The following ODAD2 variants were observed in gnomAD, a reference collection of about 807,000 sequenced individuals.
The protein encoded by ODAD2 is outer dynein arm-docking complex subunit 2.
Under a neutral mutation model 106.8 loss-of-function variants are expected in ODAD2, and 89 were observed. The ratio of observed to expected loss-of-function variants is 0.83; its 90% CI spans 0.70 to 0.99. ODAD2 has a LOEUF of 0.99. Ranked by LOEUF, ODAD2 falls within the 50% of genes least tolerant of loss-of-function variation. The pLI is 0.00. For missense variants in ODAD2, 1,168 were observed against 1,238.5 expected (o/e 0.94, Z 0.85); for synonymous variants, 404 against 436.2 (o/e 0.93, Z 0.92).
chr10:27,992,070 A>C (rs1391965285), intron 2 of ODAD2, among the ~76,000 whole-genome samples: 1 of 152,190 alleles, frequency 6.6e-6, no homozygotes, highest in African/African-American at 2.4e-5. Context: ...GGAGTAGACC[A>C]AGGGGCACGG....
At chr10:27,908,763 G>GAA (rs11376464) in intron 16 of ODAD2, among the ~76,000 whole-genome samples, 3 of 151,630 alleles carry the variant, frequency 2.0e-5, no homozygotes, top group African/African-American at 7.3e-5. Context: ...TACCAGGGGG[G>GAA]AAAAATGTAT....
At chr10:27,839,286 G>A (rs1271807764) in intron 19 of ODAD2, among the ~76,000 whole-genome samples, 5 of 152,124 alleles carry the variant, frequency 3.3e-5, no homozygotes, top group African/African-American at 1.2e-4. Flanking sequence ...AATATGACAC[G>A]CGGCAGCAAG....
intron 16 of ODAD2, 43 bp from the exon 17 acceptor site, chr10:27,907,820 T>C (rs1258822167): frequency 7.9e-7 from 1 of 1,269,474 alleles, no homozygotes; most frequent in African/African-American, 1.5e-5. Flanking sequence ...GTCATTAGTA[T>C]GTGAAGACAA....
intron 17 of ODAD2, among the ~76,000 whole-genome samples, chr10:27,871,573 T>C (rs1466725367): frequency 2.0e-5 from 3 of 152,252 alleles, no homozygotes; most frequent in African/African-American, 4.8e-5. Context: ...TTTCTACATA[T>C]GGCTAGCCAG....
At chr10:27,936,641 A>T (rs1347487406) in intron 15 of ODAD2, 85 bp downstream of exon 15, 13 of 1,401,736 alleles carry the variant, frequency 9.3e-6, no homozygotes, top group Non-Finnish European at 1.1e-5. Flanking sequence ...ATTAGAATTG[A>T]CTCCTTACTA....
intron 17 of ODAD2, among the ~76,000 whole-genome samples, chr10:27,902,043 C>T (rs1042225226): frequency 7.2e-5 from 11 of 152,146 alleles, no homozygotes; most frequent in South Asian, 6.2e-4. Context: ...TAAAATTGAC[C>T]ACAGAATTGG....
In ODAD2 at chr10:27,812,262, A is replaced by T; in HGVS notation, c.*250T>A. 1 of 477,922 alleles carries T rather than the reference A, an allele frequency of 2.1e-6. No homozygotes were observed. 29.6% of individuals were successfully genotyped at this position (477,922 alleles called of 1,614,324 possible). A position where few individuals can be genotyped will look rare whatever the true frequency, so the allele number is the denominator to read the frequency against. ...CATATACGTATATTCTCATATTCTT[A>T]GAAACTTATCACAGGTTTATTGGCT... On this transcript the variant is annotated 3_prime_UTR_variant, in exon 20 of 20. Transcript: ENST00000305242.
chr10:27,924,026 G>A (rs1034022174), intron 16 of ODAD2, among the ~76,000 whole-genome samples: 12 of 102,962 alleles, frequency 1.2e-4, no homozygotes, highest in East Asian at 6.7e-4. Context: ...AAGAAAGAAG[G>A]AAAGAGAAAG....
chr10:27,932,227 C>A (rs577920755), intron 16 of ODAD2, among the ~76,000 whole-genome samples: 1 of 152,102 alleles, frequency 6.6e-6, no homozygotes, highest in African/African-American at 2.4e-5. Context: ...TAAGCCACCA[C>A]GTCATTAGCC....
chr10:27,911,468 G>T (rs188130035), intron 16 of ODAD2, among the ~76,000 whole-genome samples: 32 of 152,198 alleles, frequency 2.1e-4, no homozygotes, highest in South Asian at 8.3e-4. Flanking sequence ...TGGACCATTG[G>T]GAAACTACAG....
At chr10:27,993,970 A>ATGTGTGTGTGTG (rs1247501567) in intron 2 of ODAD2, among the ~76,000 whole-genome samples, 3 of 108,528 alleles carry the variant, frequency 2.8e-5, no homozygotes, top group African/African-American at 9.4e-5. Context: ...ATATATATAT[A>ATGTGTGTGTGTG]TATATGTGTG....
chr10:27,978,297 G>C (rs950895655), intron 7 of ODAD2, among the ~76,000 whole-genome samples: 2 of 152,170 alleles, frequency 1.3e-5, no homozygotes, highest in African/African-American at 4.8e-5. Context: ...GGCCTCCAAA[G>C]AGGGGAAAAA....
In ODAD2 at chr10:27,827,379, C is replaced by CACACTATATA. The variant is rs1239159370; in HGVS notation, c.3022-14755_3022-14754insTATATAGTGT. ...AGACACACACATACACACACACACA[C>CACACTATATA]TATATATATATATATATATATATAT... On this transcript the variant is annotated intron_variant, in intron 19 of 19. Coordinates refer to ENST00000305242, the MANE Select transcript of ODAD2 (RefSeq NM_018076.5). 3.8e-5 allele frequency among the ~76,000 whole-genome samples: 5 copies of CACACTATATA among 132,466 alleles called. No individual in the cohort carries two copies. In the Admixed American group the frequency reaches 3.9e-4, roughly 10 times the overall value. The allele number at this position is 132,466 out of a possible 152,430, so 86.9% of individuals were successfully genotyped here. A position where few individuals can be genotyped will look rare whatever the true frequency, so the allele number is the denominator to read the frequency against.
At chr10:27,993,873 G>A (rs1217892600) in intron 2 of ODAD2, among the ~76,000 whole-genome samples, 2 of 151,782 alleles carry the variant, frequency 1.3e-5, no homozygotes, top group African/African-American at 4.8e-5. Flanking sequence ...TATATGATCA[G>A]ACTTTAAAAG....
At chr10:27,964,346 C>G (rs560799474) in intron 9 of ODAD2, among the ~76,000 whole-genome samples, 1 of 152,130 alleles carries the variant, frequency 6.6e-6, no homozygotes, top group Non-Finnish European at 1.5e-5. Context: ...TTTTAACTTA[C>G]GTGTGCCTCG....
At chr10:27,901,361 A>G (rs879434178) in intron 17 of ODAD2, among the ~76,000 whole-genome samples, 7 of 152,180 alleles carry the variant, frequency 4.6e-5, no homozygotes, top group Non-Finnish European at 7.3e-5. Context: ...GCAAAAACAT[A>G]CCAAATTGTA....
chr10:27,885,846 G>GAT (rs1287087675), intron 17 of ODAD2, among the ~76,000 whole-genome samples: 2 of 84,196 alleles, frequency 2.4e-5, no homozygotes, highest in Admixed American at 1.9e-4. Flanking sequence ...TATTTGTTTG[G>GAT]ATATATATAT....
chr10:27,838,621 C>T (rs1489438468), intron 19 of ODAD2, among the ~76,000 whole-genome samples: 3 of 152,120 alleles, frequency 2.0e-5, no homozygotes, highest in East Asian at 1.9e-4. Flanking sequence ...AATACAGAAA[C>T]GAAATATAGA....
intron 19 of ODAD2, among the ~76,000 whole-genome samples, chr10:27,853,527 T>C (rs1404893711): frequency 2.6e-5 from 4 of 152,094 alleles, no homozygotes; most frequent in Admixed American, 1.3e-4. Context: ...ACCAAGGGTG[T>C]CTATATTAGT....
Sources: gnomAD v4.1 joint callset for allele counts (sites outside exome capture counted in the v4.1 genomes callset) on GRCh38, gnomAD v4.1.1 for gene constraint, MANE v1.5 for transcripts, NCBI Gene and HGNC (gene_info 2026-07-23, HGNC 2026-07-21) for gene names.